MAP6: variants seen among roughly 807,000 people sequenced by gnomAD.
MAP6 encodes microtubule associated protein 6, also known as microtubule-associated protein 6.
Under a neutral mutation model 42.4 loss-of-function variants are expected in MAP6, and 26 were observed. The ratio of observed to expected loss-of-function variants is 0.61; its 90% CI spans 0.45 to 0.85. The LOEUF (loss-of-function observed/expected upper bound fraction) is 0.85. MAP6 is among the 40% of genes least tolerant of loss of function. The probability of loss-of-function intolerance (pLI) is 0.00; values close to 1 mark genes in which losing one functional copy is unlikely to be tolerated. For synonymous variants in MAP6, 418 were observed against 443.8 expected (o/e 0.94, Z 0.73); for missense variants, 966 against 1,099.0 (o/e 0.88, Z 1.71).
intron 1 of MAP6, among the ~76,000 whole-genome samples, chr11:75,656,610 T>C (rs371502606): frequency 3.3e-5 from 5 of 152,044 alleles, no homozygotes; most frequent in South Asian, 2.1e-4. Flanking sequence ...ACCAGAGATA[T>C]CGATGCTTGC....
At chr11:75,623,722 T>A (rs1480336903) in intron 1 of MAP6, among the ~76,000 whole-genome samples, 1 of 152,200 alleles carries the variant, frequency 6.6e-6, no homozygotes, top group Non-Finnish European at 1.5e-5. Context: ...GTCTTACGTT[T>A]TTTTTGAGAT....
chr11:75,666,088 G>A (rs925609342), intron 1 of MAP6, among the ~76,000 whole-genome samples: 7 of 146,614 alleles, frequency 4.8e-5, no homozygotes, highest in East Asian at 4.3e-4. Context: ...AGTCCTCCCC[G>A]CCCCCCACAC....
chr11:75,620,151 A>G (rs554203473), intron 1 of MAP6, among the ~76,000 whole-genome samples: 15 of 152,350 alleles, frequency 9.8e-5, no homozygotes, highest in African/African-American at 3.6e-4. Flanking sequence ...AATGAACATC[A>G]ATCCTAACAA....
intron 1 of MAP6, among the ~76,000 whole-genome samples, chr11:75,650,982 C>T (rs1035297539): frequency 5.3e-5 from 8 of 152,170 alleles, no homozygotes; most frequent in African/African-American, 1.7e-4. Flanking sequence ...GCTCTGTCCT[C>T]TCCTCCTCAC....
chr11:75,619,229 C>A (rs187947952), intron 1 of MAP6, among the ~76,000 whole-genome samples: 2 of 152,012 alleles, frequency 1.3e-5, no homozygotes, highest in African/African-American at 4.8e-5. Flanking sequence ...AGAGAAAAAT[C>A]TGAAAAAATG....
chr11:75,616,676 A>G (rs1156360684), intron 1 of MAP6, among the ~76,000 whole-genome samples: 2 of 152,214 alleles, frequency 1.3e-5, no homozygotes, highest in Non-Finnish European at 2.9e-5. Context: ...AGGTAGTGGA[A>G]GATTGCTTTC....
In MAP6 at chr11:75,667,880, G is replaced by T; in HGVS notation, c.490C>A (p.Pro164Thr). 6.9e-7 allele frequency: 1 copy of T among 1,446,276 alleles called. No individual in the cohort carries two copies. 89.6% of individuals were successfully genotyped at this position (1,446,276 alleles called of 1,614,324 possible). A position where few individuals can be genotyped will look rare whatever the true frequency, so the allele number is the denominator to read the frequency against. ...GGGTGGTCCCCGCGGCGCGGCAGCG[G>T]CCAGGCGCGGAAGTCCTTCTGGTAC... ...TQYQKDFRAW[P>T]LPRRGDHPWI... The change falls in exon 1 of 4, where the codon CCG becomes ACG. Residue 164 changes from proline (P) to threonine (T), a missense_variant. By Grantham distance (38) the Pro-to-Thr change is conservative (BLOSUM62 -1). This residue lies in a region of MAP6 where 943 missense variants were observed against 1,049.9 expected (regional missense o/e 0.90). Transcript: ENST00000304771. This position sits in a 1 kb window ranked among gnomAD's most constrained non-coding sequence, Gnocchi z 5.6.
Position 75,668,129 on chromosome 11 carries a change from G to A in MAP6, c.241C>T (p.Arg81Trp), listed in dbSNP as rs1018310470. ...GGCCCAGGCGCTGGCCCCGTTGCCCGGGCAACTGCATCCAACTCGCCCTGG... is the reference window on the plus strand; with the variant it reads ...GGCCCAGGCGCTGGCCCCGTTGCCCAGGCAACTGCATCCAACTCGCCCTGG... ...PAQGELDAVA[R>W]ATGPAPGPTG... The change falls in exon 1 of 4, where the codon CGG becomes TGG. Residue 81 changes from arginine to tryptophan, a missense_variant. Arg to Trp is a moderately radical substitution (Grantham distance 101, BLOSUM62 -3). Transcript: ENST00000304771. The A allele has an allele frequency of 1.7e-6, 2 of 1,195,520 alleles. No individual in the cohort carries two copies. The highest frequency in any genetic ancestry group is 2.1e-6 in the Non-Finnish European group (2 of 970,108). 74.1% of individuals were successfully genotyped at this position (1,195,520 alleles called of 1,614,324 possible). A position where few individuals can be genotyped will look rare whatever the true frequency, so the allele number is the denominator to read the frequency against.
Position 75,667,816 on chromosome 11 carries a change from T to C in MAP6, c.554A>G (p.Gln185Arg). 2.3e-6 allele frequency: 3 copies of C among 1,321,726 alleles called. No individual in the cohort carries two copies. The highest frequency in any genetic ancestry group is 2.9e-6 in the Non-Finnish European group (3 of 1,035,218). 81.9% of individuals were successfully genotyped at this position (1,321,726 alleles called of 1,614,324 possible). Residue 185 changes from glutamine to arginine, a missense_variant, in exon 1 of 4, where the codon CAG becomes CGG. Physicochemically the swap from Gln to Arg is conservative, Grantham distance 43. This residue lies in a region of MAP6 where 943 missense variants were observed against 1,049.9 expected (regional missense o/e 0.90). Transcript: ENST00000304771. The surrounding 1 kb of genome is among the most constrained non-coding windows in gnomAD (Gnocchi z 5.6). The stretch of plus-strand genomic sequence containing the variant: ...CGCCCCGAGAATGGGCGCCGACGCC[T>C]GGGAGGCCGCAGAGATCTGCACGGG... Reference protein sequence around the residue: ...PKPVQISAASQASAPILGAPK... With the variant: ...PKPVQISAASRASAPILGAPK...
intron 1 of MAP6, among the ~76,000 whole-genome samples, chr11:75,633,680 A>T (rs1844520759): frequency 6.6e-6 from 1 of 152,204 alleles, no homozygotes; most frequent in Non-Finnish European, 1.5e-5. Flanking sequence ...ATCAAGTGAG[A>T]GTTGAACAGA....
chr11:75,649,600 GCA>G (rs1943615504), intron 1 of MAP6, among the ~76,000 whole-genome samples: 2 of 152,078 alleles, frequency 1.3e-5, no homozygotes, highest in African/African-American at 4.8e-5. Flanking sequence ...GTGCAGTGGT[GCA>G]ATCTCGGCTC....
chr11:75,648,275 CT>C (rs1388053379), intron 1 of MAP6, among the ~76,000 whole-genome samples: 1 of 152,216 alleles, frequency 6.6e-6, no homozygotes, highest in Non-Finnish European at 1.5e-5. Flanking sequence ...AGGTGGATAG[CT>C]TGAGCCCAGG....
chr11:75,628,583 C>T (rs11236470), intron 1 of MAP6, among the ~76,000 whole-genome samples: 2,564 of 152,304 alleles, frequency 0.017, 77 homozygotes, highest in African/African-American at 0.059. Flanking sequence ...GCCAGAGCGG[C>T]AGGAGGGAGA....
chr11:75,637,187 T>C (rs1468622229), intron 1 of MAP6, among the ~76,000 whole-genome samples: 1 of 152,222 alleles, frequency 6.6e-6, no homozygotes, highest in South Asian at 2.1e-4. Flanking sequence ...TCTTTGGGGT[T>C]AGAATTTTAA....
At chr11:75,631,976 T>A (rs1473614726) in intron 1 of MAP6, among the ~76,000 whole-genome samples, 1 of 152,228 alleles carries the variant, frequency 6.6e-6, no homozygotes, top group Non-Finnish European at 1.5e-5. Context: ...GCGAGCCCCA[T>A]ACAGACATTC....
chr11:75,648,070 C>T (rs1049657245), intron 1 of MAP6, among the ~76,000 whole-genome samples: 1 of 152,146 alleles, frequency 6.6e-6, no homozygotes, highest in African/African-American at 2.4e-5. Context: ...ACCTGTCAGA[C>T]AAATAACGGA....
intron 1 of MAP6, among the ~76,000 whole-genome samples, chr11:75,630,726 T>C (rs1050403162): frequency 1.3e-5 from 2 of 152,226 alleles, no homozygotes; most frequent in Admixed American, 1.3e-4. Flanking sequence ...TGTATCTCCC[T>C]AAACTCATTA....
Position 75,668,488 on chromosome 11 carries a change from C to A in MAP6, c.-119G>T, listed in dbSNP as rs1944005499. On this transcript the variant is annotated 5_prime_UTR_variant, in exon 1 of 4. Transcript: ENST00000304771. Reference sequence around the variant, plus strand: ...TGTGGTTCCCACCGTTTTCTACCCCCGATCAGCCGGAGCTAGTTCGCCCTC... The same window carrying A: ...TGTGGTTCCCACCGTTTTCTACCCCAGATCAGCCGGAGCTAGTTCGCCCTC... 1.5e-6 allele frequency: 2 copies of A among 1,371,140 alleles called. No individual in the cohort carries two copies. The highest frequency in any genetic ancestry group is 2.8e-5 in the East Asian group (1 of 35,506). The allele number at this position is 1,371,140 out of a possible 1,614,324, so 84.9% of individuals were successfully genotyped here. A position where few individuals can be genotyped will look rare whatever the true frequency, so the allele number is the denominator to read the frequency against.
chr11:75,616,350 A>G (rs1283683204), intron 1 of MAP6, among the ~76,000 whole-genome samples: 1 of 152,218 alleles, frequency 6.6e-6, no homozygotes, highest in Admixed American at 6.5e-5. Context: ...TGCTTTACAA[A>G]GGAAGAAGAC....
Sources: gnomAD v4.1 joint callset for allele counts (sites outside exome capture counted in the v4.1 genomes callset) on GRCh38, gnomAD v4.1.1 for gene constraint, gnomAD v4.1.1 regional missense constraint, Gnocchi (gnomAD v3.1) non-coding constraint, MANE v1.5 for transcripts, NCBI Gene and HGNC (gene_info 2026-07-23, HGNC 2026-07-21) for gene names.